CYB5R4: variants seen among roughly 807,000 people sequenced by gnomAD.
CYB5R4 encodes cytochrome b5 reductase 4, also known as N-terminal cytochrome b5 and cytochrome b5 oxidoreductase domain-containing protein.
CYB5R4 carries 55 observed loss-of-function variants against 70.2 expected under a neutral mutation model. The observed-to-expected ratio is 0.78, with a 90% CI of 0.63 to 0.98. The LOEUF (loss-of-function observed/expected upper bound fraction) is 0.98. Among genes scored for constraint, CYB5R4 ranks in the 50% least tolerant of loss-of-function variants. The pLI, the probability that CYB5R4 is intolerant of heterozygous loss-of-function variation, is 0.00. For synonymous variants in CYB5R4, 197 were observed against 199.5 expected (o/e 0.99, Z 0.11); for missense variants, 562 against 612.6 (o/e 0.92, Z 0.87).
chr6:83,913,964 T>A (rs188069227), intron 4 of CYB5R4, among the ~76,000 whole-genome samples: 15 of 152,296 alleles, frequency 9.8e-5, no homozygotes, highest in Non-Finnish European at 2.1e-4. Flanking sequence ...GTAATAACGA[T>A]CATTTTATGC....
chr6:83,875,034 G>A (rs924052012), intron 2 of CYB5R4, among the ~76,000 whole-genome samples: 8 of 151,822 alleles, frequency 5.3e-5, no homozygotes, highest in Admixed American at 4.6e-4. Flanking sequence ...TGTTGGCCAG[G>A]CTGGTCTCAA....
intron 2 of CYB5R4, among the ~76,000 whole-genome samples, chr6:83,873,312 T>C (rs1184352065): frequency 6.8e-6 from 1 of 146,590 alleles, no homozygotes; most frequent in East Asian, 2.1e-4. Flanking sequence ...TGATCTTGGC[T>C]CACTGCAATC....
chr6:83,914,318 A>G (rs193052046), intron 4 of CYB5R4, 98 bp from the exon 5 acceptor site: 1 of 1,313,732 alleles, frequency 7.6e-7, no homozygotes, highest in Admixed American at 3.1e-5. Flanking sequence ...GCCCTTCAAA[A>G]AAGAAGGGAT....
intron 11 of CYB5R4, among the ~76,000 whole-genome samples, chr6:83,935,373 A>G (rs1248519922): frequency 1.3e-5 from 2 of 152,182 alleles, no homozygotes; most frequent in Non-Finnish European, 2.9e-5. Context: ...CCTAGGTCTC[A>G]GAAGATATGA....
At chr6:83,906,075 T>C (rs1018609860) in intron 3 of CYB5R4, among the ~76,000 whole-genome samples, 4 of 151,950 alleles carry the variant, frequency 2.6e-5, no homozygotes, top group African/African-American at 9.7e-5. Flanking sequence ...GCAGGGGCAA[T>C]CCCCAGGCTA....
At chr6:83,950,310 G>A (rs1019197764) in intron 14 of CYB5R4, among the ~76,000 whole-genome samples, 1 of 151,786 alleles carries the variant, frequency 6.6e-6, no homozygotes, top group African/African-American at 2.4e-5. Flanking sequence ...TTTTTCTTAC[G>A]AAAAATGAGA....
chr6:83,919,805 G>A (rs2099466084), intron 7 of CYB5R4, among the ~76,000 whole-genome samples: 1 of 143,770 alleles, frequency 7.0e-6, no homozygotes, highest in Non-Finnish European at 1.5e-5. Context: ...TGTGTGTAAA[G>A]CATGGATAAC....
chr6:83,950,738 G>A (rs566236664), intron 14 of CYB5R4, among the ~76,000 whole-genome samples: 1 of 151,692 alleles, frequency 6.6e-6, no homozygotes, highest in Non-Finnish European at 1.5e-5. Context: ...ATATAGAAAA[G>A]GTATAAGAAA....
At chr6:83,869,986 CAGAT>C (rs1162033403) in intron 2 of CYB5R4, among the ~76,000 whole-genome samples, 2 of 152,088 alleles carry the variant, frequency 1.3e-5, no homozygotes, top group Admixed American at 6.5e-5. Context: ...AAATATATGT[CAGAT>C]AGGTTTCATT....
At chr6:83,904,705 G>A (rs577055731) in intron 3 of CYB5R4, among the ~76,000 whole-genome samples, 47 of 152,082 alleles carry the variant, frequency 3.1e-4, no homozygotes, top group Non-Finnish European at 4.7e-4. Flanking sequence ...AATGTGTTTT[G>A]TATATCATTC....
chr6:83,966,149 T>A lies in CYB5R4; in HGVS notation c.*6271T>A, dbSNP rs1588592580. On this transcript the variant is annotated 3_prime_UTR_variant, in exon 16 of 16. Transcript: ENST00000369681. ...GGAATAGGGGATAATAACTAAAGGG[T>A]TGGGAGGGTGTTTTTGAAATGCTAA... The A allele has an allele frequency of 6.6e-6, 1 of 151,950 alleles. No individual in the cohort carries two copies. Among genetic ancestry groups the A allele is most frequent in the South Asian group, 2.1e-4 (1 of 4,820 alleles). 9.4% of individuals were successfully genotyped at this position (151,950 alleles called of 1,614,324 possible). A position where few individuals can be genotyped will look rare whatever the true frequency, so the allele number is the denominator to read the frequency against.
intron 2 of CYB5R4, among the ~76,000 whole-genome samples, chr6:83,879,184 T>C (rs1205913835): frequency 2.6e-5 from 4 of 152,092 alleles, no homozygotes; most frequent in African/African-American, 9.6e-5. Context: ...CAATGCAGCA[T>C]CTAGAATGCA....
At chr6:83,936,115 T>G in intron 11 of CYB5R4, 109 bp from the exon 12 acceptor site, 1 of 673,888 alleles carries the variant, frequency 1.5e-6, no homozygotes, top group Non-Finnish European at 2.5e-6. Context: ...GCCCATTAGG[T>G]ATATAGTTTT....
chr6:83,919,496 T>A, intron 7 of CYB5R4, 42 bp downstream of exon 7: 1 of 1,044,566 alleles, frequency 9.6e-7, no homozygotes, highest in Non-Finnish European at 1.4e-6. Context: ...AAATAATAAA[T>A]GTTAATTTAT....
intron 2 of CYB5R4, among the ~76,000 whole-genome samples, chr6:83,889,446 G>T (rs1309801851): frequency 6.6e-6 from 1 of 152,144 alleles, no homozygotes; most frequent in Non-Finnish European, 1.5e-5. Flanking sequence ...TGCTAAGTCT[G>T]CCCTGCCTGT....
At chr6:83,887,919 A>G (rs1290471627) in intron 2 of CYB5R4, among the ~76,000 whole-genome samples, 17 of 152,132 alleles carry the variant, frequency 1.1e-4, no homozygotes, top group Non-Finnish European at 2.5e-4. Context: ...GATTGTGACC[A>G]GGAGTCCTTA....
intron 2 of CYB5R4, among the ~76,000 whole-genome samples, chr6:83,865,954 T>C (rs140129017): frequency 6.6e-6 from 1 of 152,354 alleles, no homozygotes; most frequent in African/African-American, 2.4e-5. Flanking sequence ...TGACATTTTA[T>C]AGGGTTTTTG....
chr6:83,906,222 G>A (rs1392076840), intron 3 of CYB5R4, among the ~76,000 whole-genome samples: 1 of 152,186 alleles, frequency 6.6e-6, no homozygotes. Flanking sequence ...TTCAGCCCTG[G>A]TGACTTGCTC....
chr6:83,905,581 G>A (rs1290871412), intron 3 of CYB5R4, among the ~76,000 whole-genome samples: 1 of 152,122 alleles, frequency 6.6e-6, no homozygotes, highest in African/African-American at 2.4e-5. Flanking sequence ...TAGGACCCCA[G>A]GTAGGTTAGT....
Sources: gnomAD v4.1 joint callset for allele counts (sites outside exome capture counted in the v4.1 genomes callset) on GRCh38, gnomAD v4.1.1 for gene constraint, MANE v1.5 for transcripts, NCBI Gene and HGNC (gene_info 2026-07-23, HGNC 2026-07-21) for gene names.